ULK4: variants seen among roughly 807,000 people sequenced by gnomAD.
The protein encoded by ULK4 is unc-51 like kinase 4, also known as inactive serine/threonine-protein kinase ULK4.
Under a neutral mutation model 160.6 loss-of-function variants are expected in ULK4, and 133 were observed. The observed-to-expected ratio is 0.83, with a 90% CI of 0.72 to 0.96. ULK4 has a LOEUF of 0.96. Ranked by LOEUF, ULK4 falls within the 40% of genes least tolerant of loss-of-function variation. ULK4 has a pLI of 0.00. For missense variants in ULK4, 1,580 were observed against 1,499.5 expected (o/e 1.05, Z -0.89); for synonymous variants, 534 against 539.8 (o/e 0.99, Z 0.15).
chr3:41,831,974 T>G (rs1400742914), intron 18 of ULK4, among the ~76,000 whole-genome samples: 1 of 152,150 alleles, frequency 6.6e-6, no homozygotes, highest in African/African-American at 2.4e-5. Context: ...GTTGGTTCCA[T>G]GTCTTTGCTA....
intron 35 of ULK4, among the ~76,000 whole-genome samples, chr3:41,381,977 G>A (rs1030603819): frequency 3.3e-5 from 5 of 152,042 alleles, no homozygotes; most frequent in Non-Finnish European, 7.4e-5. Context: ...TACCTGCCTT[G>A]TGGCCTTAGC....
intron 35 of ULK4, among the ~76,000 whole-genome samples, chr3:41,272,817 T>C (rs1282734987): frequency 2.6e-5 from 4 of 152,212 alleles, no homozygotes; most frequent in African/African-American, 9.6e-5. Flanking sequence ...CTTCTATACG[T>C]TCACACTCAG....
intron 17 of ULK4, among the ~76,000 whole-genome samples, chr3:41,858,297 G>A (rs535811227): frequency 6.6e-5 from 10 of 150,654 alleles, no homozygotes; most frequent in African/African-American, 1.5e-4. Flanking sequence ...AATTACAGGC[G>A]CCTGCCACCA....
At chr3:41,538,648 G>A (rs1300823961) in intron 32 of ULK4, among the ~76,000 whole-genome samples, 2 of 152,100 alleles carry the variant, frequency 1.3e-5, no homozygotes, top group Non-Finnish European at 2.9e-5. Flanking sequence ...CTCATGGGGA[G>A]ATGATTAACA....
Position 41,475,905 on chromosome 3 carries a change from AAGGGAAGGAGTG to A in ULK4, c.3227-12664_3227-12653del, listed in dbSNP as rs1203230697. Among the ~76,000 whole-genome samples, 33 of 150,884 alleles carry A rather than the reference AAGGGAAGGAGTG, an allele frequency of 2.2e-4. No homozygotes were observed. The South Asian group carries it at 6.7e-3, about 31-fold the overall frequency. On this transcript the variant is annotated intron_variant, in intron 32 of 36. Coordinates refer to ENST00000301831, the MANE Select transcript of ULK4 (RefSeq NM_017886.4). ...GGAGAGAAGGAGGGAAGAAAAGAGG[AAGGGAAGGAGTG>A]AGGGAAGGAGCGAAGGAAGGAGGGA...
intron 22 of ULK4, among the ~76,000 whole-genome samples, chr3:41,733,655 T>TTTTAGACATTCCA (rs1311830730): frequency 5.3e-5 from 8 of 151,870 alleles, no homozygotes; most frequent in Non-Finnish European, 8.8e-5. Flanking sequence ...AAAAAGACTT[T>TTTTAGACATTCCA]TTTAGACATT....
chr3:41,484,250 A>C (rs940352910), intron 32 of ULK4, among the ~76,000 whole-genome samples: 2 of 152,086 alleles, frequency 1.3e-5, no homozygotes, highest in African/African-American at 2.4e-5. Flanking sequence ...TATCAAATAC[A>C]TTTATCAAAT....
intron 34 of ULK4, among the ~76,000 whole-genome samples, chr3:41,423,852 CATGG>C (rs1448490726): frequency 7.2e-5 from 11 of 152,172 alleles, no homozygotes; most frequent in Non-Finnish European, 1.5e-4. Flanking sequence ...ATGCTTTTTC[CATGG>C]ATCTATGCGA....
intron 30 of ULK4, among the ~76,000 whole-genome samples, chr3:41,628,545 C>T (rs1173332284): frequency 6.6e-6 from 1 of 152,142 alleles, no homozygotes; most frequent in Non-Finnish European, 1.5e-5. Context: ...TACAAAGTAA[C>T]TACCTAGTAC....
chr3:41,773,754 G>A (rs541777225), intron 21 of ULK4, among the ~76,000 whole-genome samples: 13 of 152,190 alleles, frequency 8.5e-5, no homozygotes, highest in South Asian at 8.3e-4. Flanking sequence ...AAAAGAGCCG[G>A]CATTGCCAAG....
At chr3:41,643,325 G>T (rs1394181646) in intron 30 of ULK4, among the ~76,000 whole-genome samples, 1 of 152,138 alleles carries the variant, frequency 6.6e-6, no homozygotes, top group East Asian at 1.9e-4. Flanking sequence ...ATGGTTTTAG[G>T]TGTAACGTTT....
At chr3:41,311,603 T>A (rs2080050188) in intron 35 of ULK4, among the ~76,000 whole-genome samples, 1 of 152,158 alleles carries the variant, frequency 6.6e-6, no homozygotes. Flanking sequence ...TGAGTCTCAC[T>A]CTGTTGCCAG....
intron 31 of ULK4, among the ~76,000 whole-genome samples, chr3:41,611,332 A>G (rs1203227704): frequency 6.6e-6 from 1 of 152,182 alleles, no homozygotes; most frequent in Admixed American, 6.5e-5. Flanking sequence ...CCCAGCTCCC[A>G]CAACAGCAAT....
Position 41,566,093 on chromosome 3 carries a change from C to T in ULK4, c.3158G>A (p.Ser1053Asn), listed in dbSNP as rs2087772875. ...TAGATTGCTGAGTAATGCAATCACA[C>T]TTTGCATGGTATTACCCAGAATGCT... Reference protein sequence around the residue: ...QESILGNTMQSVIALLSNLVA... With the variant: ...QESILGNTMQNVIALLSNLVA... The change falls in exon 32 of 37, where the codon AGT (serine) becomes AAT (asparagine). Residue 1053 changes from serine to asparagine, a missense_variant. Transcript: ENST00000301831. 5.0e-6 allele frequency: 8 copies of T among 1,613,816 alleles called. No homozygotes were observed. The highest frequency in any genetic ancestry group is 5.9e-6 in the Non-Finnish European group (7 of 1,179,956).
At chr3:41,631,756 C>G (rs2033754738) in intron 30 of ULK4, among the ~76,000 whole-genome samples, 1 of 152,046 alleles carries the variant, frequency 6.6e-6, no homozygotes, top group African/African-American at 2.4e-5. Context: ...AATGGGAAAG[C>G]TGAAGTCAAG....
chr3:41,369,780 T>A (rs1390382315), intron 35 of ULK4, among the ~76,000 whole-genome samples: 1 of 137,146 alleles, frequency 7.3e-6, no homozygotes, highest in Non-Finnish European at 1.5e-5. Context: ...GGTGACAGAG[T>A]GAGACTATGT....
At chr3:41,423,574 T>C (rs1451667575) in intron 34 of ULK4, among the ~76,000 whole-genome samples, 1 of 151,864 alleles carries the variant, frequency 6.6e-6, no homozygotes, top group Non-Finnish European at 1.5e-5. Flanking sequence ...AAAAGCGTCT[T>C]ACAGAGGAGG....
intron 29 of ULK4, among the ~76,000 whole-genome samples, chr3:41,668,898 T>C (rs2035439326): frequency 6.6e-6 from 1 of 152,196 alleles, no homozygotes; most frequent in African/African-American, 2.4e-5. Context: ...GTTTTTAAGT[T>C]AAATATTTCT....
At chr3:41,906,948 G>A (rs901268258) in intron 12 of ULK4, among the ~76,000 whole-genome samples, 1 of 150,986 alleles carries the variant, frequency 6.6e-6, no homozygotes, top group African/African-American at 2.4e-5. Flanking sequence ...AGCCAAGATC[G>A]CGCCACTGCA....
Sources: gnomAD v4.1 joint callset for allele counts (sites outside exome capture counted in the v4.1 genomes callset) on GRCh38, gnomAD v4.1.1 for gene constraint, MANE v1.5 for transcripts, NCBI Gene and HGNC (gene_info 2026-07-23, HGNC 2026-07-21) for gene names.